Variants in HNRNPUL2 observed in about 807,000 individuals in gnomAD.
The protein encoded by HNRNPUL2 is heterogeneous nuclear ribonucleoprotein U like 2, also known as heterogeneous nuclear ribonucleoprotein U-like protein 2.
In HNRNPUL2, 27 loss-of-function variants were observed where a neutral mutation model predicts 102.2. The ratio of observed to expected loss-of-function variants is 0.26; its 90% CI spans 0.19 to 0.36. The LOEUF is 0.36. HNRNPUL2 is among the 10% of genes least tolerant of loss of function. The probability of loss-of-function intolerance (pLI) is 1.00; values close to 1 mark genes in which losing one functional copy is unlikely to be tolerated. For synonymous variants in HNRNPUL2, 458 were observed against 387.2 expected, an observed-to-expected ratio of 1.18 and a Z score of -2.15; for missense variants, 936 against 981.1, an observed-to-expected ratio of 0.95 and a Z score of 0.61.
Position 62,726,881 on chromosome 11 carries a change from G to A in HNRNPUL2, c.276C>T (p.Asp92=), listed in dbSNP as rs2083755826. ...EEEDEEALLE[D]EDEEPPPAQA... ...GAGCAGGGGGTGGCTCCTCGTCCTC[G>A]TCCTCAAGCAGCGCCTCCTCGTCCT... The change falls in exon 1 of 14, where the codon GAC becomes GAT. Residue 92 remains aspartate, a synonymous_variant. Coordinates refer to ENST00000301785, the MANE Select transcript of HNRNPUL2 (RefSeq NM_001079559.3). The A allele has an allele frequency of 6.3e-7, 1 of 1,577,274 alleles. No individual in the cohort carries two copies. Among genetic ancestry groups the A allele is most frequent in the Non-Finnish European group, 8.5e-7 (1 of 1,170,934 alleles).
chr11:62,717,498 A>G (rs151036539), intron 10 of HNRNPUL2, among the ~76,000 whole-genome samples: 255 of 152,372 alleles, frequency 1.7e-3, no homozygotes, highest in African/African-American at 5.7e-3. Flanking sequence ...ACCAGAGGCT[A>G]AAAGTAACTG....
Position 62,715,571 on chromosome 11 carries a change from A to T in HNRNPUL2, c.2092T>A (p.Tyr698Asn). The change falls in exon 13 of 14, where the codon TAT becomes AAT. Residue 698 changes from tyrosine to asparagine, a missense_variant. Physicochemically the swap from Tyr to Asn is moderately radical, Grantham distance 143. Coordinates refer to ENST00000301785, the MANE Select transcript of HNRNPUL2 (RefSeq NM_001079559.3). Reference protein sequence around the residue: ...RNFYDRYRGDYDRFYGRDYEY... With the variant: ...RNFYDRYRGDNDRFYGRDYEY... ...TAATCTCGCCCGTAAAATCGATCAT[A>T]GTCTCCCCTGTATCGATCATAGAAA... is the stretch of plus-strand genomic sequence containing the variant. 6.2e-7 allele frequency: 1 copy of T among 1,613,116 alleles called. No homozygotes were observed. Among genetic ancestry groups the T allele is most frequent in the South Asian group, 1.1e-5 (1 of 91,060 alleles).
At chr11:62,720,546 CAAA>C (rs148876571) in intron 9 of HNRNPUL2, among the ~76,000 whole-genome samples, 21 of 131,570 alleles carry the variant, frequency 1.6e-4, no homozygotes, top group African/African-American at 6.4e-4. Context: ...GATTCCATCT[CAAA>C]AAAAAAAAAA....
intron 11 of HNRNPUL2, among the ~76,000 whole-genome samples, 199 bp downstream of exon 11, chr11:62,716,790 G>A (rs182816563): frequency 2.0e-5 from 3 of 152,268 alleles, no homozygotes; most frequent in Admixed American, 1.3e-4. Context: ...GAGGATTTTT[G>A]TTGTTGTTGA....
At chr11:62,717,607 G>A (rs536662876) in intron 10 of HNRNPUL2, among the ~76,000 whole-genome samples, 1 of 152,236 alleles carries the variant, frequency 6.6e-6, no homozygotes, top group Non-Finnish European at 1.5e-5. Flanking sequence ...TGTAATCCCA[G>A]CATTTTGGGA....
intron 10 of HNRNPUL2, among the ~76,000 whole-genome samples, chr11:62,717,550 C>T (rs2083669770): frequency 6.6e-6 from 1 of 152,136 alleles, no homozygotes; most frequent in Admixed American, 6.6e-5. Flanking sequence ...TAAGAAATAA[C>T]ATTTTAAAAA....
chr11:62,713,130 A>G lies in HNRNPUL2; in HGVS notation c.*2169T>C, dbSNP rs1363950586. ...GATTACTTTCTAGTGTCAAATATCAACAGCGAGTACCTCCCCTAACCCCTG... is the reference window on the plus strand; with the variant it reads ...GATTACTTTCTAGTGTCAAATATCAGCAGCGAGTACCTCCCCTAACCCCTG... On this transcript the variant is annotated 3_prime_UTR_variant, in exon 14 of 14. Transcript: ENST00000301785. 6.6e-6 allele frequency: 1 copy of G among 152,194 alleles called. No individual in the cohort carries two copies. The allele number at this position is 152,194 out of a possible 1,614,324, so 9.4% of individuals were successfully genotyped here.
chr11:62,724,150 T>C, intron 2 of HNRNPUL2, 141 bp downstream of exon 2: 3 of 1,226,882 alleles, frequency 2.4e-6, no homozygotes, highest in South Asian at 2.8e-5. Flanking sequence ...GGAGTTTCCA[T>C]GGTAGATGCA....
intron 8 of HNRNPUL2, 50 bp from the exon 9 acceptor site, chr11:62,721,473 T>C (rs1171865926): frequency 6.6e-6 from 10 of 1,523,722 alleles, no homozygotes; most frequent in African/African-American, 1.4e-5. Context: ...ACAAGTTATA[T>C]TGCAAGTTAA....
In HNRNPUL2 at chr11:62,726,689, T is replaced by G; in HGVS notation, c.468A>C (p.Glu156Asp). The change falls in exon 1 of 14, where the codon GAA becomes GAC. Residue 156 changes from glutamate (E) to aspartate (D), a missense_variant. Coordinates refer to ENST00000301785, the MANE Select transcript of HNRNPUL2 (RefSeq NM_001079559.3). The part of the protein sequence containing the change: ...EQGLGKREED[E>D]PEERSGDETP... ...TCTCGTCCCCGCTCCGCTCCTCGGG[T>G]TCGTCTTCCTCCCTCTTGCCGAGGC... is the stretch of plus-strand genomic sequence containing the variant. 1 of 1,600,186 alleles carries G rather than the reference T, an allele frequency of 6.2e-7. No homozygotes were observed. Among genetic ancestry groups the G allele is most frequent in the Non-Finnish European group, 8.5e-7 (1 of 1,179,416 alleles).
intron 9 of HNRNPUL2, among the ~76,000 whole-genome samples, chr11:62,720,859 G>T (rs1353259465): frequency 1.6e-5 from 1 of 63,926 alleles, no homozygotes. Flanking sequence ...GCGAGACTCG[G>T]TCTCAAAAAA....
chr11:62,724,175 C>T (rs1309722794), intron 2 of HNRNPUL2, 116 bp downstream of exon 2: 12 of 1,359,370 alleles, frequency 8.8e-6, no homozygotes, highest in South Asian at 1.3e-5. Flanking sequence ...AAAACTCATG[C>T]CTATAAAAAC....
intron 10 of HNRNPUL2, 71 bp from the exon 11 acceptor site, chr11:62,717,260 C>T: frequency 1.7e-6 from 2 of 1,175,342 alleles, no homozygotes; most frequent in South Asian, 2.7e-5. Context: ...TATGAAAACT[C>T]TACAAGAAGC....
chr11:62,716,937 T>C, intron 11 of HNRNPUL2, 52 bp downstream of exon 11: 1 of 1,600,218 alleles, frequency 6.2e-7, no homozygotes, highest in Non-Finnish European at 8.6e-7. Flanking sequence ...CTTGCTGTAC[T>C]AAGCACAAAG....
intron 8 of HNRNPUL2, 64 bp downstream of exon 8, chr11:62,721,756 C>T (rs1462141133): frequency 6.5e-7 from 1 of 1,540,428 alleles, no homozygotes; most frequent in Non-Finnish European, 8.9e-7. Flanking sequence ...ACTAATTCTC[C>T]ATTAAAGATA....
At chr11:62,715,465 C>G (rs369991557) in intron 13 of HNRNPUL2, 35 bp downstream of exon 13, 310 of 1,582,110 alleles carry the variant, frequency 2.0e-4, no homozygotes, top group Middle Eastern at 3.3e-4. Flanking sequence ...CTCCTGCCCC[C>G]CTTCACCCTG....
intron 9 of HNRNPUL2, 120 bp from the exon 10 acceptor site, chr11:62,720,311 C>A (rs2083690976): frequency 1.2e-5 from 10 of 862,246 alleles, no homozygotes; most frequent in Non-Finnish European, 1.8e-5. Flanking sequence ...TTTGGGAGGC[C>A]GAGGTGGGCA....
intron 10 of HNRNPUL2, 22 bp downstream of exon 10, chr11:62,720,001 G>A (rs775934533): frequency 1.4e-5 from 23 of 1,607,870 alleles, no homozygotes; most frequent in African/African-American, 2.7e-5. Flanking sequence ...TATAGCAGCA[G>A]AAAATGGACT....
At position 62,722,170 on chromosome 11, in the gene HNRNPUL2, C is replaced by A. The variant is rs186653429; in HGVS notation, c.1306G>T (p.Val436Phe). ...ACTGCAGTGCGTACACGCTCCTCAACAGGCACAGCATGAATGAACACAAAC... is the reference window on the plus strand; with the variant it reads ...ACTGCAGTGCGTACACGCTCCTCAAAAGGCACAGCATGAATGAACACAAAC... Reference protein sequence around the residue: ...EEFVFIHAVPVEERVRTAVPP... With the variant: ...EEFVFIHAVPFEERVRTAVPP... The change falls in exon 7 of 14, where the codon GTT becomes TTT. Residue 436 changes from valine to phenylalanine, a missense_variant. Physicochemically the swap from Val to Phe is conservative, Grantham distance 50 (BLOSUM62 -1). This residue lies in a region of HNRNPUL2 where 609 missense variants were observed against 713.0 expected (regional missense o/e 0.85). Coordinates refer to ENST00000301785, the MANE Select transcript of HNRNPUL2 (RefSeq NM_001079559.3). 23 of 1,614,164 alleles carry A rather than the reference C, an allele frequency of 1.4e-5. No homozygotes were observed. The African/African-American group carries it at 1.5e-4, about 10-fold the overall frequency.
Sources: gnomAD v4.1 joint callset for allele counts (sites outside exome capture counted in the v4.1 genomes callset) on GRCh38, gnomAD v4.1.1 for gene constraint, gnomAD v4.1.1 regional missense constraint, MANE v1.5 for transcripts, NCBI Gene and HGNC (gene_info 2026-07-23, HGNC 2026-07-21) for gene names.